Variants in TSPAN9 observed in about 807,000 individuals in gnomAD.
The protein encoded by TSPAN9 is tetraspanin 9.
A neutral mutation model predicts 31.0 loss-of-function variants in TSPAN9; 16 were observed. The observed-to-expected ratio is 0.52, with a 90% CI of 0.35 to 0.78. The LOEUF (loss-of-function observed/expected upper bound fraction) is 0.78, where lower values mean the gene tolerates loss of function less well. TSPAN9 is among the 30% of genes least tolerant of loss of function. The pLI, the probability that TSPAN9 is intolerant of heterozygous loss-of-function variation, is 0.01. For synonymous variants in TSPAN9, 145 were observed against 121.6 expected, an observed-to-expected ratio of 1.19 and a Z score of -1.27; for missense variants, 272 against 312.5, an observed-to-expected ratio of 0.87 and a Z score of 0.98.
In TSPAN9 at chr12:3,264,419, C is replaced by T. The variant is rs1482540388; in HGVS notation, c.64-14002C>T. 7.2e-5 allele frequency among the ~76,000 whole-genome samples: 11 copies of T among 152,240 alleles called. No homozygotes were observed. In the South Asian group the frequency reaches 8.3e-4, roughly 11 times the overall value. The stretch of plus-strand genomic sequence containing the variant: ...CTTGTTTTACGGTCCAGAGCACAGA[C>T]GGCAGCAGCTCCCTGCCAAAAGAAA... On this transcript the variant is annotated intron_variant, in intron 3 of 8. Transcript: ENST00000011898.
In TSPAN9 at chr12:3,196,455, AAG is replaced by A. The variant is rs577709449; in HGVS notation, c.-17-4717_-17-4716del. On this transcript the variant is annotated intron_variant, in intron 2 of 8. Coordinates refer to ENST00000011898, the MANE Select transcript of TSPAN9 (RefSeq NM_006675.5). ...TTAAGGGCAGAAACTTGTAGAGTCT[AAG>A]AGAGTGTGGTGCATGGGCTGTGAAA... Among the ~76,000 whole-genome samples the A allele has an allele frequency of 6.6e-5, 10 of 152,326 alleles. No homozygotes were observed. The South Asian group carries it at 1.7e-3, about 25-fold the overall frequency.
intron 2 of TSPAN9, among the ~76,000 whole-genome samples, chr12:3,177,161 A>G (rs1248275786): frequency 1.3e-5 from 2 of 151,866 alleles, no homozygotes; most frequent in Non-Finnish European, 2.9e-5. Context: ...TTTTTGAGAT[A>G]GAGTCTCGCT....
intron 3 of TSPAN9, among the ~76,000 whole-genome samples, chr12:3,223,934 C>T (rs577123067): frequency 2.0e-5 from 3 of 152,236 alleles, no homozygotes; most frequent in East Asian, 3.9e-4. Flanking sequence ...AATTCTGTGT[C>T]ATTGGTCTGA....
At chr12:3,256,986 G>A (rs574917164) in intron 3 of TSPAN9, among the ~76,000 whole-genome samples, 1 of 152,290 alleles carries the variant, frequency 6.6e-6, no homozygotes, top group South Asian at 2.1e-4. Flanking sequence ...TCGAGGGTGA[G>A]TTGGGTGACA....
Position 3,168,573 on chromosome 12 carries a change from C to G in TSPAN9, c.-17-32604C>G, listed in dbSNP as rs1384698946. Reference sequence around the variant, plus strand: ...GGGGAGCTGACTTACTTTCTCTTTGCCCCCCTCTATTTCTATGTGTGAGTC... The same window carrying G: ...GGGGAGCTGACTTACTTTCTCTTTGGCCCCCTCTATTTCTATGTGTGAGTC... On this transcript the variant is annotated intron_variant, in intron 2 of 8. Transcript: ENST00000011898. This position sits in a 1 kb window ranked among gnomAD's most constrained non-coding sequence, Gnocchi z 4.0. Among the ~76,000 whole-genome samples the G allele has an allele frequency of 1.3e-5, 2 of 152,140 alleles. No individual in the cohort carries two copies. The highest frequency in any genetic ancestry group is 6.6e-5 in the Admixed American group (1 of 15,256).
chr12:3,220,419 G>C (rs1323167468), intron 3 of TSPAN9, among the ~76,000 whole-genome samples: 1 of 152,214 alleles, frequency 6.6e-6, no homozygotes, highest in African/African-American at 2.4e-5. Flanking sequence ...GCATGGGTGG[G>C]CACCCCAGAG....
At chr12:3,162,163 C>A (rs190027186) in intron 2 of TSPAN9, among the ~76,000 whole-genome samples, 100 of 152,268 alleles carry the variant, frequency 6.6e-4, no homozygotes, top group African/African-American at 2.2e-3. Flanking sequence ...GCACCTCCCC[C>A]CACTGTCTTG....
chr12:3,246,801 C>T (rs1185189571), intron 3 of TSPAN9, among the ~76,000 whole-genome samples: 1 of 152,230 alleles, frequency 6.6e-6, no homozygotes, highest in African/African-American at 2.4e-5. Flanking sequence ...ACCAGCCTGC[C>T]ATCCAGGTGG....
intron 3 of TSPAN9, among the ~76,000 whole-genome samples, chr12:3,258,670 C>T (rs144186880): frequency 2.7e-3 from 409 of 152,260 alleles, no homozygotes; most frequent in African/African-American, 8.0e-3. Context: ...ACCCAAGCAG[C>T]GCTGAATAAC....
At chr12:3,252,660 A>G (rs538814139) in intron 3 of TSPAN9, among the ~76,000 whole-genome samples, 45 of 152,332 alleles carry the variant, frequency 3.0e-4, no homozygotes, top group African/African-American at 5.5e-4. Flanking sequence ...CCCTGGTCCA[A>G]TGTTTCACGG....
chr12:3,246,190 G>C (rs956578604), intron 3 of TSPAN9, among the ~76,000 whole-genome samples: 1 of 151,624 alleles, frequency 6.6e-6, no homozygotes, highest in Non-Finnish European at 1.5e-5. Context: ...ATTGCGGGGC[G>C]GGGGGTGGTG....
chr12:3,207,053 C>T (rs189770822), intron 3 of TSPAN9, among the ~76,000 whole-genome samples: 121 of 152,196 alleles, frequency 8.0e-4, no homozygotes, highest in Middle Eastern at 3.4e-3. Context: ...AACAAAGGGT[C>T]GTGCCAGTCT....
chr12:3,128,987 C>T (rs2098328582), intron 2 of TSPAN9, among the ~76,000 whole-genome samples: 1 of 152,192 alleles, frequency 6.6e-6, no homozygotes, highest in South Asian at 2.1e-4. Flanking sequence ...TTGGATTATT[C>T]CAGGTACCTC....
chr12:3,253,238 A>G (rs1382061064), intron 3 of TSPAN9, among the ~76,000 whole-genome samples: 3 of 152,220 alleles, frequency 2.0e-5, no homozygotes, highest in South Asian at 2.1e-4. Context: ...AAAACCAAAT[A>G]AAAAGACGAT....
At chr12:3,243,690 C>T (rs571940430) in intron 3 of TSPAN9, among the ~76,000 whole-genome samples, 50 of 152,204 alleles carry the variant, frequency 3.3e-4, no homozygotes, top group African/African-American at 1.1e-3. Context: ...AGGGTGACAG[C>T]GTAGGGGTTG....
intron 2 of TSPAN9, chr12:3,083,937 C>G (rs1188017505): frequency 6.6e-6 from 1 of 152,210 alleles, no homozygotes; most frequent in Non-Finnish European, 1.5e-5. Flanking sequence ...TGATCTCCTC[C>G]CCACTGTTTC....
intron 3 of TSPAN9, among the ~76,000 whole-genome samples, chr12:3,224,748 C>T (rs76198403): frequency 2.2e-4 from 34 of 152,344 alleles, no homozygotes; most frequent in African/African-American, 5.5e-4. Flanking sequence ...TGACAGCTGT[C>T]GGGTCTGGTT....
intron 2 of TSPAN9, among the ~76,000 whole-genome samples, chr12:3,178,966 CTGA>C (rs1479282310): frequency 4.6e-5 from 7 of 152,332 alleles, no homozygotes; most frequent in South Asian, 2.1e-4. Flanking sequence ...TGCTTATTCT[CTGA>C]TGTGGTTTCT....
chr12:3,105,718 C>CT (rs2098313996), intron 2 of TSPAN9, among the ~76,000 whole-genome samples: 1 of 151,016 alleles, frequency 6.6e-6, no homozygotes, highest in Non-Finnish European at 1.5e-5. Context: ...CTAGGGCCTG[C>CT]TTTGTGTGCA....
Sources: allele counts gnomAD v4.1 joint callset (sites outside exome capture counted in the v4.1 genomes callset), GRCh38; gene constraint gnomAD v4.1.1; non-coding constraint Gnocchi (gnomAD v3.1); transcripts MANE v1.5; gene names NCBI Gene and HGNC (gene_info 2026-07-23, HGNC 2026-07-21).